RAD52: variants seen among roughly 807,000 people sequenced by gnomAD.
The protein encoded by RAD52 is DNA repair protein RAD52 homolog.
Under a neutral mutation model 55.5 loss-of-function variants are expected in RAD52, and 47 were observed. The ratio of observed to expected loss-of-function variants is 0.85; its 90% confidence interval spans 0.67 to 1.08. The LOEUF (loss-of-function observed/expected upper bound fraction) is 1.08, where lower values mean the gene tolerates loss of function less well. RAD52 is among the 50% of genes least tolerant of loss of function. RAD52 has a pLI of 0.00. For synonymous variants in RAD52, 184 were observed against 198.9 expected (o/e 0.92, Z 0.63); for missense variants, 468 against 522.8 (o/e 0.90, Z 1.02).
At position 933,082 on chromosome 12, in the gene RAD52, T is replaced by C; in HGVS notation, c.-18-6A>G. On this transcript the variant is annotated splice_region_variant and splice_polypyrimidine_tract_variant and intron_variant, in intron 1 of 11. Transcript: ENST00000358495. The stretch of plus-strand genomic sequence containing the variant: ...ATCTTGATTCTGGTTGACCTCTATA[T>C]AAATAAAAAGCGGAAAAAAAAAACA... 1.3e-6 allele frequency: 2 copies of C among 1,573,050 alleles called. No individual in the cohort carries two copies. Among genetic ancestry groups the C allele is most frequent in the South Asian group, 1.1e-5 (1 of 87,446 alleles).
At chr12:928,458 G>A (rs945171257) in intron 5 of RAD52, among the ~76,000 whole-genome samples, 5 of 151,768 alleles carry the variant, frequency 3.3e-5, no homozygotes, top group South Asian at 2.1e-4. Flanking sequence ...TGGAGGTTGC[G>A]GTGAGCTGAG....
intron 1 of RAD52, among the ~76,000 whole-genome samples, chr12:980,096 A>C (rs1166988647): frequency 1.3e-5 from 2 of 151,986 alleles, no homozygotes; most frequent in African/African-American, 4.8e-5. Flanking sequence ...GGCTAAGGCC[A>C]GGAAAATTGC....
chr12:989,381 C>A lies in RAD52; in HGVS notation c.-19+428G>T, dbSNP rs958825241. Among the ~76,000 whole-genome samples the A allele has an allele frequency of 2.0e-5, 3 of 152,150 alleles. No homozygotes were observed. In the East Asian group the frequency reaches 5.8e-4, roughly 29 times the overall value. ...AAAAAAAAATTATCTTCCGATGTCC[C>A]CCTTCTCATTTTCTATTTTGTATCA... On this transcript the variant is annotated intron_variant, in intron 1 of 11. Transcript: ENST00000430095.
intron 2 of RAD52, 61 bp from the exon 3 acceptor site, chr12:931,382 T>G (rs1033554823): frequency 7.8e-7 from 1 of 1,286,204 alleles, no homozygotes; most frequent in African/African-American, 1.5e-5. Flanking sequence ...TCATTGAGTC[T>G]CCATCCTTTA....
rs1422634987 is a variant in RAD52, at chr12:925,631, G to C, written c.468-106C>G. 6 of 831,074 alleles carry C rather than the reference G, an allele frequency of 7.2e-6. No individual in the cohort carries two copies. The East Asian group carries it at 1.5e-4, about 21-fold the overall frequency. 51.5% of individuals were successfully genotyped at this position (831,074 alleles called of 1,614,324 possible). On this transcript the variant is annotated intron_variant, in intron 6 of 11. Coordinates refer to ENST00000358495, the MANE Select transcript of RAD52 (RefSeq NM_134424.4). ...TACAGGTTGCTTCTCAGGAGCAGCA[G>C]AGGAAGTGGACCCTAACATGCATTC... is the stretch of plus-strand genomic sequence containing the variant.
upstream of RAD52, among the ~76,000 whole-genome samples, chr12:951,412 C>T (rs1173847293): frequency 1.3e-5 from 2 of 152,178 alleles, no homozygotes; most frequent in Non-Finnish European, 2.9e-5. Flanking sequence ...GCACCTGGTG[C>T]CCTTTGCCCC....
At chr12:950,145 G>A (rs903673541), upstream of RAD52, among the ~76,000 whole-genome samples, 13 of 152,246 alleles carry the variant, frequency 8.5e-5, 1 homozygote, top group Admixed American at 7.2e-4. Context: ...GGCCGAGGCA[G>A]CGGTGGACCT....
At chr12:920,545 G>A (rs1033032248) in intron 7 of RAD52, among the ~76,000 whole-genome samples, 1 of 149,524 alleles carries the variant, frequency 6.7e-6, no homozygotes, top group East Asian at 2.0e-4. Context: ...GGGCGACAGA[G>A]TGAGACTCCG....
In RAD52 at chr12:912,975, G is replaced by C. The variant is rs2154107151; in HGVS notation, c.*416C>G. 5.0e-6 allele frequency: 1 copy of C among 198,318 alleles called. No homozygotes were observed. The highest frequency in any genetic ancestry group is 2.0e-4 in the South Asian group (1 of 5,054). 12.3% of individuals were successfully genotyped at this position (198,318 alleles called of 1,614,324 possible). On this transcript the variant is annotated 3_prime_UTR_variant, in exon 12 of 12. Transcript: ENST00000358495. ...CAACATTAAAGGCATGGACCGTAAAGGAAAGAAGGCAGACGTTATGCAAAA... is the reference window on the plus strand; with the variant it reads ...CAACATTAAAGGCATGGACCGTAAACGAAAGAAGGCAGACGTTATGCAAAA...
At chr12:915,418 CTG>C (rs1956305250) in intron 9 of RAD52, among the ~76,000 whole-genome samples, 1 of 152,218 alleles carries the variant, frequency 6.6e-6, no homozygotes, top group South Asian at 2.1e-4. Context: ...AGCAAGTCCT[CTG>C]TGAATCTGCT....
chr12:974,604 C>T, intron 1 of RAD52: 1 of 152,206 alleles, frequency 6.6e-6, no homozygotes, highest in Non-Finnish European at 1.5e-5. Context: ...AGGCTTCTCA[C>T]TGAGGCCACT....
chr12:922,191 T>TAAAAAAAAAAA (rs79763100), intron 7 of RAD52, among the ~76,000 whole-genome samples: 7 of 81,664 alleles, frequency 8.6e-5, no homozygotes, highest in Admixed American at 1.5e-4. Flanking sequence ...TAGGTTGGCT[T>TAAAAAAAAAAA]AAAAAAAAAA....
intron 2 of RAD52, among the ~76,000 whole-genome samples, 131 bp downstream of exon 2, chr12:932,815 ACACACGTACTAGGTAAACGTACTAGGTAC>A (rs1957397288): frequency 1.2e-5 from 1 of 85,414 alleles, no homozygotes; most frequent in Admixed American, 1.1e-4. Flanking sequence ...GGTACTGCTC[ACACACGTACTAGGTAAACGTACTAGGTAC>A]TGCTCACACA....
At chr12:962,506 A>AT (rs531777012) in intron 1 of RAD52, among the ~76,000 whole-genome samples, 1,659 of 138,758 alleles carry the variant, frequency 0.012, 22 homozygotes, top group African/African-American at 0.032. Context: ...CGCCTGGCTA[A>AT]TTTTTTTTTT....
At position 970,916 on chromosome 12, in the gene RAD52, TAG is replaced by T. The variant is rs202042008; in HGVS notation, c.-19+18891_-19+18892del. Among the ~76,000 whole-genome samples the T allele has an allele frequency of 3.1e-3, 461 of 149,624 alleles. 2 individuals carry two copies. Among genetic ancestry groups the T allele is most frequent in the Middle Eastern group, 0.01 (3 of 292 alleles). On this transcript the variant is annotated intron_variant, in intron 1 of 11. Coordinates refer to the RAD52 transcript ENST00000430095. ...ATATATTTTGAACCAAATATATACG[TAG>T]AGAGAGAGAGACAGGAAATAAATCG...
At chr12:983,980 TGTG>T (rs1345592650) in intron 1 of RAD52, among the ~76,000 whole-genome samples, 5 of 152,232 alleles carry the variant, frequency 3.3e-5, no homozygotes, top group African/African-American at 1.2e-4. Flanking sequence ...ATTTATTTAT[TGTG>T]GTAAAATGTA....
At chr12:983,410 A>ATT (rs58498697) in intron 1 of RAD52, among the ~76,000 whole-genome samples, 34 of 121,538 alleles carry the variant, frequency 2.8e-4, no homozygotes, top group African/African-American at 1.0e-3. Flanking sequence ...TTTCCTGAAG[A>ATT]TTTTTTTTTT....
intron 1 of RAD52, among the ~76,000 whole-genome samples, chr12:982,504 A>G (rs1253169278): frequency 1.3e-5 from 2 of 152,134 alleles, no homozygotes; most frequent in African/African-American, 4.8e-5. Context: ...TTTCCACAAA[A>G]CACTAGAACA....
chr12:916,266 G>A lies in RAD52; in HGVS notation c.865+78C>T, dbSNP rs202015311. On this transcript the variant is annotated intron_variant, in intron 9 of 11. Coordinates refer to ENST00000358495, the MANE Select transcript of RAD52 (RefSeq NM_134424.4). ...GGTTTGGAGCCGGCCCAGGGTTACC[G>A]CAGAGAATCAGAAGACCCTGCGGCT... 1.9e-3 allele frequency: 2,979 copies of A among 1,569,302 alleles called. 72 individuals carry two copies. In the South Asian group the frequency reaches 0.026, roughly 14 times the overall value.
Sources: allele counts gnomAD v4.1 joint callset (sites outside exome capture counted in the v4.1 genomes callset), GRCh38; gene constraint gnomAD v4.1.1; transcripts MANE v1.5; gene names NCBI Gene and HGNC (gene_info 2026-07-23, HGNC 2026-07-21).